Variants in SLC7A11 observed in about 807,000 individuals in gnomAD.
SLC7A11 encodes the protein solute carrier family 7 member 11, also known as cystine/glutamate transporter.
A neutral mutation model predicts 54.5 loss-of-function variants in SLC7A11; 35 were observed. The observed-to-expected ratio is 0.64, with a 90% CI of 0.49 to 0.85. The LOEUF is 0.85. Among genes scored for constraint, SLC7A11 ranks in the 40% least tolerant of loss-of-function variants. The pLI is 0.00. For missense variants in SLC7A11, 583 were observed against 618.1 expected (o/e 0.94, Z 0.60); for synonymous variants, 230 against 225.2 (o/e 1.02, Z -0.19).
chr4:138,203,325 T>G (rs1348673572), intron 6 of SLC7A11, among the ~76,000 whole-genome samples: 1 of 152,146 alleles, frequency 6.6e-6, no homozygotes, highest in Non-Finnish European at 1.5e-5. Flanking sequence ...TTCCAATGCC[T>G]AACCAAATTC....
rs1272790309 is a variant in SLC7A11 at position 138,166,238 on chromosome 4, A to T, written c.*5718T>A. On this transcript the variant is annotated 3_prime_UTR_variant, in exon 12 of 12. Transcript: ENST00000280612. ...AAGTATGCATCTAATAAAGTTAGTT[A>T]GTAGGAAAATTTGATGTCTAAATTT... The T allele has an allele frequency of 1.3e-5, 2 of 152,178 alleles. No homozygotes were observed. Among genetic ancestry groups the T allele is most frequent in the African/African-American group, 4.8e-5 (2 of 41,444 alleles). The allele number at this position is 152,178 out of a possible 1,614,324, so 9.4% of individuals were successfully genotyped here.
At chr4:138,194,783 C>T (rs978003439) in intron 6 of SLC7A11, among the ~76,000 whole-genome samples, 2 of 152,156 alleles carry the variant, frequency 1.3e-5, no homozygotes, top group African/African-American at 4.8e-5. Context: ...TCTCTCTGGA[C>T]TTACACTTCC....
chr4:138,165,986 G>A lies in SLC7A11; in HGVS notation c.*5970C>T, dbSNP rs931955591. On this transcript the variant is annotated 3_prime_UTR_variant, in exon 12 of 12. Coordinates refer to ENST00000280612, the MANE Select transcript of SLC7A11 (RefSeq NM_014331.4). ...AAGAAAGTTATTTGGGGTAGTACTTGAAATAATTCATATACACAGTCATTT... is the reference window on the plus strand; with the variant it reads ...AAGAAAGTTATTTGGGGTAGTACTTAAAATAATTCATATACACAGTCATTT... 6.6e-6 allele frequency: 1 copy of A among 152,132 alleles called. No individual in the cohort carries two copies. The highest frequency in any genetic ancestry group is 2.1e-4 in the South Asian group (1 of 4,822). The allele number at this position is 152,132 out of a possible 1,614,324, so 9.4% of individuals were successfully genotyped here.
At chr4:138,206,220 T>TTC (rs950055428) in intron 6 of SLC7A11, among the ~76,000 whole-genome samples, 1 of 150,768 alleles carries the variant, frequency 6.6e-6, no homozygotes, top group African/African-American at 2.4e-5. Flanking sequence ...ACCACTTGTA[T>TTC]TCTCTCTCTC....
intron 11 of SLC7A11, 101 bp downstream of exon 11, chr4:138,179,116 G>T: frequency 7.9e-6 from 6 of 760,534 alleles, no homozygotes; most frequent in African/African-American, 1.7e-5. Flanking sequence ...AATCAATTGT[G>T]CCACTTACAT....
At chr4:138,200,860 A>T (rs905210192) in intron 6 of SLC7A11, among the ~76,000 whole-genome samples, 8 of 152,296 alleles carry the variant, frequency 5.3e-5, no homozygotes, top group African/African-American at 1.2e-4. Flanking sequence ...GTAACCAAGT[A>T]GAGAACTCTT....
intron 1 of SLC7A11, among the ~76,000 whole-genome samples, chr4:138,238,817 G>C (rs1216059777): frequency 6.6e-6 from 1 of 152,000 alleles, no homozygotes; most frequent in Non-Finnish European, 1.5e-5. Flanking sequence ...TGCCCAGGCT[G>C]GTCTGGAACT....
chr4:138,181,073 G>A (rs1736729879), intron 9 of SLC7A11, among the ~76,000 whole-genome samples: 1 of 152,034 alleles, frequency 6.6e-6, no homozygotes, highest in Admixed American at 6.6e-5. Context: ...TTGCATTTGA[G>A]AGAAGATAGT....
Position 138,171,776 on chromosome 4 carries a change from A to T in SLC7A11, c.*180T>A. 1 of 705,834 alleles carries T rather than the reference A, an allele frequency of 1.4e-6. No individual in the cohort carries two copies. Among genetic ancestry groups the T allele is most frequent in the Non-Finnish European group, 2.2e-6 (1 of 459,026 alleles). 43.7% of individuals were successfully genotyped at this position (705,834 alleles called of 1,614,324 possible). A position where few individuals can be genotyped will look rare whatever the true frequency, so the allele number is the denominator to read the frequency against. ...GCATATTCACTTTCTATAACTACATAGAGTTATAACTAAATTTCTTAGAAA... is the reference window on the plus strand; with the variant it reads ...GCATATTCACTTTCTATAACTACATTGAGTTATAACTAAATTTCTTAGAAA... On this transcript the variant is annotated 3_prime_UTR_variant, in exon 12 of 12. Coordinates refer to ENST00000280612, the MANE Select transcript of SLC7A11 (RefSeq NM_014331.4).
At chr4:138,213,994 A>G (rs955043313) in intron 6 of SLC7A11, among the ~76,000 whole-genome samples, 2 of 151,958 alleles carry the variant, frequency 1.3e-5, no homozygotes, top group South Asian at 2.1e-4. Context: ...ATTTTTCCCT[A>G]AGTTAGTTCA....
At chr4:138,211,976 C>T (rs1737560828) in intron 6 of SLC7A11, among the ~76,000 whole-genome samples, 1 of 151,728 alleles carries the variant, frequency 6.6e-6, no homozygotes, top group Admixed American at 6.6e-5. Context: ...AGTAAAGTAA[C>T]CGTAGTTATC....
rs11941210 is a variant in SLC7A11, at chr4:138,184,738, C to T, written c.915+383G>A. Reference sequence around the variant, plus strand: ...ACACTTGGGGAAAGGATTCTGAGTTCGCATATGAAAAGTTTACAAACAGGA... The same window carrying T: ...ACACTTGGGGAAAGGATTCTGAGTTTGCATATGAAAAGTTTACAAACAGGA... On this transcript the variant is annotated intron_variant, in intron 7 of 11. Coordinates refer to ENST00000280612, the MANE Select transcript of SLC7A11 (RefSeq NM_014331.4). 2.2e-3 allele frequency among the ~76,000 whole-genome samples: 332 copies of T among 151,998 alleles called. 4 individuals carry two copies. Among genetic ancestry groups the T allele is most frequent in the African/African-American group, 7.2e-3 (300 of 41,492 alleles).
chr4:138,192,294 T>A (rs1263552343), intron 6 of SLC7A11, among the ~76,000 whole-genome samples: 1 of 152,154 alleles, frequency 6.6e-6, no homozygotes, highest in Admixed American at 6.5e-5. Flanking sequence ...TGAGTAGATG[T>A]GTCATTGAAG....
At chr4:138,196,820 C>T (rs1289275690) in intron 6 of SLC7A11, among the ~76,000 whole-genome samples, 3 of 151,982 alleles carry the variant, frequency 2.0e-5, no homozygotes, top group African/African-American at 7.2e-5. Context: ...CCACCACACT[C>T]AGCTTATTTT....
chr4:138,200,023 T>C (rs1242012258), intron 6 of SLC7A11, among the ~76,000 whole-genome samples: 8 of 152,142 alleles, frequency 5.3e-5, no homozygotes, highest in Non-Finnish European at 1.0e-4. Context: ...AATAGTACCT[T>C]AAAATCATGA....
chr4:138,194,352 T>G (rs1372576761), intron 6 of SLC7A11, among the ~76,000 whole-genome samples: 8 of 152,188 alleles, frequency 5.3e-5, no homozygotes, highest in Non-Finnish European at 1.5e-5. Context: ...ATCTTTTATC[T>G]TTCAGCTCAA....
chr4:138,185,365 TGTTGGGTATGTA>T, intron 6 of SLC7A11, 121 bp from the exon 7 acceptor site: 1 of 1,124,558 alleles, frequency 8.9e-7, no homozygotes, highest in Non-Finnish European at 1.3e-6. Flanking sequence ...TTATAGGCTC[TGTTGGGTATGTA>T]TAAACATTTC....
intron 6 of SLC7A11, 40 bp downstream of exon 6, chr4:138,214,545 T>A: frequency 8.1e-7 from 1 of 1,230,356 alleles, no homozygotes; most frequent in Non-Finnish European, 1.1e-6. Context: ...TCTTAAATTT[T>A]ATTCTTCATA....
intron 2 of SLC7A11, among the ~76,000 whole-genome samples, chr4:138,235,346 G>A (rs1738180783): frequency 2.0e-5 from 3 of 151,888 alleles, no homozygotes; most frequent in Non-Finnish European, 2.9e-5. Flanking sequence ...AAATAATGCA[G>A]AGTGTTTAAA....
Sources: gnomAD v4.1 joint callset for allele counts (sites outside exome capture counted in the v4.1 genomes callset) on GRCh38, gnomAD v4.1.1 for gene constraint, MANE v1.5 for transcripts, NCBI Gene and HGNC (gene_info 2026-07-23, HGNC 2026-07-21) for gene names.